The following GTF3A variants were observed in gnomAD, a reference collection of about 807,000 sequenced individuals.
The protein encoded by GTF3A is transcription factor IIIA.
GTF3A carries 40 observed loss-of-function variants against 37.6 expected under a neutral mutation model. The observed-to-expected ratio is 1.06, with a 90% confidence interval of 0.83 to 1.38. The LOEUF is 1.38. Ranked by LOEUF, GTF3A falls within the 40% of genes most tolerant of loss-of-function variation. GTF3A has a pLI of 0.00. For synonymous variants in GTF3A, 191 were observed against 166.7 expected, an observed-to-expected ratio of 1.15 and a Z score of -1.12; for missense variants, 500 against 462.6, an observed-to-expected ratio of 1.08 and a Z score of -0.74.
At chr13:27,426,781 C>A (rs896996152) in intron 1 of GTF3A, among the ~76,000 whole-genome samples, 1 of 152,110 alleles carries the variant, frequency 6.6e-6, no homozygotes, top group Non-Finnish European at 1.5e-5. Flanking sequence ...ACAGCCAGGG[C>A]GTCTTTAAGA....
Position 27,429,889 on chromosome 13 carries a change from G to T in GTF3A, c.322G>T (p.Asp108Tyr), listed in dbSNP as rs1953642101. Residue 108 changes from aspartate to tyrosine, a missense_variant, in exon 3 of 9, where the codon GAT becomes TAT. Physicochemically the swap from Asp to Tyr is radical, Grantham distance 160. Coordinates refer to ENST00000381140, the MANE Select transcript of GTF3A (RefSeq NM_002097.3). ...TTACAGTTGTGCAGCCAATGGCTGT[G>T]ATCAAAAATTCAACACAAAATCAAA... 13 of 1,530,986 alleles carry T rather than the reference G, an allele frequency of 8.5e-6. No homozygotes were observed. The highest frequency in any genetic ancestry group is 9.7e-6 in the Non-Finnish European group (11 of 1,139,664). 94.8% of individuals were successfully genotyped at this position (1,530,986 alleles called of 1,614,324 possible). A position where few individuals can be genotyped will look rare whatever the true frequency, so the allele number is the denominator to read the frequency against.
At chr13:27,429,319 G>GAAAAAAAA (rs1953637356) in intron 2 of GTF3A, 4 of 91,834 alleles carry the variant, frequency 4.4e-5, no homozygotes, top group African/African-American at 3.3e-5. Flanking sequence ...AAAAAAAAAG[G>GAAAAAAAA]AAAAGGCTTT....
Position 27,430,529 on chromosome 13 carries a change from A to G in GTF3A, c.400-4A>G. On this transcript the variant is annotated splice_polypyrimidine_tract_variant and splice_region_variant and intron_variant, in intron 3 of 8. Coordinates refer to ENST00000381140, the MANE Select transcript of GTF3A (RefSeq NM_002097.3). ...AAGACTAACGAGCCTTTACAATTTA[A>G]CAGTGCAGTTTTGAAGACTGTAAGA... 6.3e-7 allele frequency: 1 copy of G among 1,584,308 alleles called. No homozygotes were observed. The highest frequency in any genetic ancestry group is 8.7e-7 in the Non-Finnish European group (1 of 1,153,986).
Position 27,430,638 on chromosome 13 carries a change from G to GTAC in GTF3A, c.488+17_488+18insTAC. 6.9e-7 allele frequency: 1 copy of GTAC among 1,457,240 alleles called. No homozygotes were observed. The highest frequency in any genetic ancestry group is 1.2e-5 in the South Asian group (1 of 86,760). The allele number at this position is 1,457,240 out of a possible 1,614,324, so 90.3% of individuals were successfully genotyped here. On this transcript the variant is annotated intron_variant, in intron 4 of 8. Coordinates refer to ENST00000381140, the MANE Select transcript of GTF3A (RefSeq NM_002097.3). ...TCTATTCAAGTAGGTACTTCATGTG[G>GTAC]CTGAAAATGCCTGGATTCTAGGTGT...
rs1953648641 is a variant in GTF3A at position 27,430,617 on chromosome 13, T to TTCA, written c.485_487dup (p.Phe162_Lys163insIle). 3 of 1,590,106 alleles carry TTCA rather than the reference T, an allele frequency of 1.9e-6. No individual in the cohort carries two copies. In the African/African-American group the frequency reaches 4.0e-5, roughly 21 times the overall value. On this transcript the variant is annotated inframe_insertion, in exon 4 of 9. Transcript: ENST00000381140. ...GTGCCAGCATACCAATGAACCTCTA[T>TTCA]TCAAGTAGGTACTTCATGTGGCTGA...
intron 1 of GTF3A, chr13:27,425,252 A>C (rs187639604): frequency 3.0e-6 from 1 of 331,302 alleles, no homozygotes; most frequent in Non-Finnish European, 5.6e-6. Flanking sequence ...CACCTGCCAA[A>C]CACTGGCCCC....
At chr13:27,426,435 C>A (rs1425184506) in intron 1 of GTF3A, 1 of 142,944 alleles carries the variant, frequency 7.0e-6, no homozygotes, top group Non-Finnish European at 1.5e-5. Flanking sequence ...TGGTAGTATG[C>A]TTTTCATAGT....
chr13:27,435,432 G>A lies in GTF3A; in HGVS notation c.934-1G>A. ...ATCGTGTGTCTTCCTTATTCCCAAA[G>A]GTCAAAAAATCTCGTGAAAAACGGA... On this transcript the variant is annotated splice_acceptor_variant, in intron 8 of 8. Coordinates refer to ENST00000381140, the MANE Select transcript of GTF3A (RefSeq NM_002097.3). LOFTEE classifies it high-confidence loss of function. The A allele has an allele frequency of 6.2e-7, 1 of 1,611,090 alleles. No individual in the cohort carries two copies. The highest frequency in any genetic ancestry group is 8.5e-7 in the Non-Finnish European group (1 of 1,178,392).
chr13:27,431,056 A>T (rs1014868994), intron 4 of GTF3A, among the ~76,000 whole-genome samples: 1 of 152,240 alleles, frequency 6.6e-6, no homozygotes, highest in South Asian at 2.1e-4. Flanking sequence ...TTCAGGTCAT[A>T]AACTTAATTT....
In GTF3A at chr13:27,435,596, A is replaced by G. The variant is rs1298888991; in HGVS notation, c.1097A>G (p.Ter366=). ...ACAGTTGCAGTACTTACCCTTGGCT[A>G]AGAACTGCACTGCTTTGTTTAAAGG... Residue 366 remains the stop codon, a stop_retained_variant, in exon 9 of 9, where the codon TAA becomes TGA. Transcript: ENST00000381140. 3 of 1,613,420 alleles carry G rather than the reference A, an allele frequency of 1.9e-6. No homozygotes were observed. Among genetic ancestry groups the G allele is most frequent in the African/African-American group, 2.7e-5 (2 of 74,932 alleles).
At position 27,434,198 on chromosome 13, in the gene GTF3A, C is replaced by T; in HGVS notation, c.622C>T (p.His208Tyr). The change falls in exon 6 of 9, where the codon CAT (histidine) becomes TAT (tyrosine). Residue 208 changes from histidine to tyrosine, a missense_variant. His to Tyr is a moderately conservative substitution (Grantham distance 83). Coordinates refer to ENST00000381140, the MANE Select transcript of GTF3A (RefSeq NM_002097.3). Reference sequence around the variant, plus strand: ...AAAAACATGGACGGAACTTCTGAAACATGTGAGAGAAACCCATAAAGGTAA... The same window carrying T: ...AAAAACATGGACGGAACTTCTGAAATATGTGAGAGAAACCCATAAAGGTAA... 7.5e-7 allele frequency: 1 copy of T among 1,336,714 alleles called. No individual in the cohort carries two copies. The highest frequency in any genetic ancestry group is 1.2e-5 in the South Asian group (1 of 85,584). 82.8% of individuals were successfully genotyped at this position (1,336,714 alleles called of 1,614,324 possible). A position where few individuals can be genotyped will look rare whatever the true frequency, so the allele number is the denominator to read the frequency against.
chr13:27,431,481 T>C (rs1476020794), intron 4 of GTF3A, among the ~76,000 whole-genome samples: 2 of 152,182 alleles, frequency 1.3e-5, no homozygotes, highest in Non-Finnish European at 2.9e-5. Flanking sequence ...ATGATGTCTT[T>C]TGCAGCAGCT....
chr13:27,427,408 T>C (rs1248966163), intron 2 of GTF3A, among the ~76,000 whole-genome samples: 1 of 152,142 alleles, frequency 6.6e-6, no homozygotes, highest in Non-Finnish European at 1.5e-5. Context: ...TGAAACCCCG[T>C]ATGTACAAAA....
chr13:27,426,694 C>T lies in GTF3A; in HGVS notation c.202-398C>T, dbSNP rs79370951. Among the ~76,000 whole-genome samples, 803 of 152,300 alleles carry T rather than the reference C, an allele frequency of 5.3e-3. 8 individuals carry two copies. The highest frequency in any genetic ancestry group is 0.018 in the African/African-American group (765 of 41,564). On this transcript the variant is annotated intron_variant, in intron 1 of 8. Transcript: ENST00000381140. ...TGTCTGGGATGAGACAGGCCTCCCT[C>T]GTTCCTCTGCCCTAGGCTTGCTTTT...
At chr13:27,431,428 T>G (rs935088142) in intron 4 of GTF3A, among the ~76,000 whole-genome samples, 6 of 152,196 alleles carry the variant, frequency 3.9e-5, no homozygotes, top group African/African-American at 1.4e-4. Flanking sequence ...AAACGTGATG[T>G]ATATACACCA....
At chr13:27,430,446 A>G (rs1953646535) in intron 3 of GTF3A, 87 bp from the exon 4 acceptor site, 1 of 786,736 alleles carries the variant, frequency 1.3e-6, no homozygotes, top group African/African-American at 1.8e-5. Context: ...ACAGTCTCCA[A>G]AATTGTTTTA....
Position 27,434,937 on chromosome 13 carries a change from C to CTG in GTF3A, c.780_781dup (p.Phe261CysfsTer31), listed in dbSNP as rs764577813. The CTG allele has an allele frequency of 6.2e-7, 1 of 1,609,768 alleles. No homozygotes were observed. The highest frequency in any genetic ancestry group is 8.5e-7 in the Non-Finnish European group (1 of 1,176,050). On this transcript the variant is annotated frameshift_variant, in exon 7 of 9. Coordinates refer to ENST00000381140, the MANE Select transcript of GTF3A (RefSeq NM_002097.3). LOFTEE classifies it high-confidence loss of function. ...GAAGGCTGTGGAAGAACCTATACAA[C>CTG]TGTGTTTAATCTCCAAAGCCATATC...
intron 5 of GTF3A, among the ~76,000 whole-genome samples, 162 bp downstream of exon 5, chr13:27,432,966 G>C (rs1416067099): frequency 6.6e-6 from 1 of 152,174 alleles, no homozygotes; most frequent in Non-Finnish European, 1.5e-5. Flanking sequence ...CACTGTATAT[G>C]TCTGTTTTTC....
intron 4 of GTF3A, among the ~76,000 whole-genome samples, chr13:27,432,168 C>T (rs956783019): frequency 3.9e-5 from 6 of 152,188 alleles, no homozygotes; most frequent in South Asian, 4.1e-4. Context: ...TCTGGCCATC[C>T]GGCACTTTCC....
Sources: allele counts gnomAD v4.1 joint callset (sites outside exome capture counted in the v4.1 genomes callset), GRCh38; gene constraint gnomAD v4.1.1; transcripts MANE v1.5; gene names NCBI Gene and HGNC (gene_info 2026-07-23, HGNC 2026-07-21).